The following SYNE1 variants were observed in gnomAD, a reference collection of about 807,000 sequenced individuals.
The protein encoded by SYNE1 is nesprin-1.
Under a neutral mutation model 1,111.0 loss-of-function variants are expected in SYNE1, and 616 were observed. The observed-to-expected ratio is 0.55, with a 90% CI of 0.52 to 0.59. SYNE1 has a LOEUF of 0.59. Ranked by LOEUF, SYNE1 falls within the 20% of genes least tolerant of loss-of-function variation. SYNE1 has a pLI of 0.00. For synonymous variants in SYNE1, 3,855 were observed against 3,825.8 expected, an observed-to-expected ratio of 1.01 and a Z score of -0.28; for missense variants, 10,006 against 10,417.0, an observed-to-expected ratio of 0.96 and a Z score of 1.72.
At chr6:152,170,704 T>C (rs969126755) in intron 130 of SYNE1, among the ~76,000 whole-genome samples, 3 of 152,220 alleles carry the variant, frequency 2.0e-5, no homozygotes, top group Non-Finnish European at 4.4e-5. Flanking sequence ...CACAAAGCCT[T>C]GCTTGCACTG....
intron 3 of SYNE1, among the ~76,000 whole-genome samples, chr6:152,627,951 G>C (rs999355539): frequency 5.6e-5 from 8 of 142,054 alleles, no homozygotes; most frequent in Admixed American, 1.5e-4. Context: ...TGGTATTATT[G>C]AACAACAGCA....
At chr6:152,429,981 ATAAT>A (rs1278475008) in intron 36 of SYNE1, 127 bp downstream of exon 36, 1 of 680,406 alleles carries the variant, frequency 1.5e-6, no homozygotes, top group East Asian at 2.8e-5. Flanking sequence ...TTAGATCTAT[ATAAT>A]TACTCAACTA....
At chr6:152,581,674 T>C (rs17700972) in intron 3 of SYNE1, among the ~76,000 whole-genome samples, 25,816 of 152,076 alleles carry the variant, frequency 0.17, 2,377 homozygotes, top group Admixed American at 0.25. Context: ...CACTTTCCCT[T>C]GATGTTTCTT....
intron 62 of SYNE1, among the ~76,000 whole-genome samples, chr6:152,366,119 G>T (rs557382123): frequency 9.9e-5 from 15 of 152,274 alleles, no homozygotes; most frequent in African/African-American, 3.4e-4. Flanking sequence ...GGTCACCTGA[G>T]GTCGGGAGTT....
chr6:152,319,323 T>C (rs2095814675), intron 84 of SYNE1, among the ~76,000 whole-genome samples: 1 of 152,196 alleles, frequency 6.6e-6, no homozygotes, highest in Admixed American at 6.5e-5. Flanking sequence ...TTGAATCCTA[T>C]CTTCTCCATT....
intron 8 of SYNE1, among the ~76,000 whole-genome samples, chr6:152,507,995 A>G (rs1003595987): frequency 6.6e-6 from 1 of 152,192 alleles, no homozygotes; most frequent in Non-Finnish European, 1.5e-5. Flanking sequence ...ATTTCCCACC[A>G]TCTTCAATCT....
In SYNE1 at chr6:152,353,386, T is replaced by C; in HGVS notation, c.11130A>G (p.Ser3710=). ...LEEEIQSLEE[S]ESSLSSYSDW... ...CAGAATAGGAACTGAGGGATGATTC[T>C]GATTCCTCCAAACTCTGAATCTCCT... The change falls in exon 69 of 146, where the codon TCA becomes TCG. Residue 3710 remains serine (S), a synonymous_variant. Coordinates refer to ENST00000367255, the MANE Select transcript of SYNE1 (RefSeq NM_182961.4). 1.2e-6 allele frequency: 2 copies of C among 1,614,266 alleles called. No homozygotes were observed. The highest frequency in any genetic ancestry group is 1.3e-5 in the African/African-American group (1 of 75,072).
chr6:152,373,050 T>C lies in SYNE1; in HGVS notation c.9494A>G (p.Glu3165Gly), dbSNP rs1474339908. Residue 3165 changes from glutamate to glycine, a missense_variant, in exon 59 of 146, where the codon GAA becomes GGA. Around this residue, in one of 7 missense-constraint regions of SYNE1, gnomAD observed 4,955 missense variants for 5,017.2 expected, o/e 0.99. Coordinates refer to ENST00000367255, the MANE Select transcript of SYNE1 (RefSeq NM_182961.4). Reference sequence around the variant, plus strand: ...GGCTATATATACCTCTAGAGCAGATTCTTTTTGGTGGAGATTTGAATGAAA... The same window carrying C: ...GGCTATATATACCTCTAGAGCAGATCCTTTTTGGTGGAGATTTGAATGAAA... ...KNFHSNLHQK[E>G]SALENLKIQM... 6.2e-7 allele frequency: 1 copy of C among 1,613,992 alleles called. No homozygotes were observed. Among genetic ancestry groups the C allele is most frequent in the Non-Finnish European group, 8.5e-7 (1 of 1,180,014 alleles).
chr6:152,537,030 C>A (rs901278927), intron 4 of SYNE1, among the ~76,000 whole-genome samples: 1 of 152,050 alleles, frequency 6.6e-6, no homozygotes, highest in Non-Finnish European at 1.5e-5. Flanking sequence ...AAAACCATCA[C>A]TAAAAATCAA....
chr6:152,496,620 C>T (rs2099000801), intron 11 of SYNE1, among the ~76,000 whole-genome samples: 1 of 152,138 alleles, frequency 6.6e-6, no homozygotes, highest in Non-Finnish European at 1.5e-5. Flanking sequence ...TTAATCTCTC[C>T]CACTCTAGGT....
chr6:152,580,847 G>A (rs1013037206), intron 3 of SYNE1, among the ~76,000 whole-genome samples: 1 of 152,138 alleles, frequency 6.6e-6, no homozygotes, highest in African/African-American at 2.4e-5. Flanking sequence ...GAATAAAAGT[G>A]ATTGTTTTTT....
Position 152,308,637 on chromosome 6 carries a change from GAAAA to G in SYNE1, c.17203-9_17203-6del. Reference sequence around the variant, plus strand: ...TTCATATTGTACCACAGCTTCCTTTGAAAAAAAAAAAAAACAGAAAGATAGACAG... The same window carrying G: ...TTCATATTGTACCACAGCTTCCTTTGAAAAAAAAAACAGAAAGATAGACAG... On this transcript the variant is annotated splice_region_variant and splice_polypyrimidine_tract_variant and intron_variant, in intron 90 of 145. Coordinates refer to ENST00000367255, the MANE Select transcript of SYNE1 (RefSeq NM_182961.4). The G allele has an allele frequency of 6.8e-7, 1 of 1,462,914 alleles. No individual in the cohort carries two copies. Among genetic ancestry groups the G allele is most frequent in the Admixed American group, 2.2e-5 (1 of 46,396 alleles). The allele number at this position is 1,462,914 out of a possible 1,614,324, so 90.6% of individuals were successfully genotyped here. A position where few individuals can be genotyped will look rare whatever the true frequency, so the allele number is the denominator to read the frequency against.
rs892819340 is a variant in SYNE1, at chr6:152,490,253, G to A, written c.940-1750C>T. Among the ~76,000 whole-genome samples, 4 of 152,024 alleles carry A rather than the reference G, an allele frequency of 2.6e-5. No homozygotes were observed. The East Asian group carries it at 7.7e-4, about 29-fold the overall frequency. Reference sequence around the variant, plus strand: ...GCAAATACTACACTATTTTATATCAGGAACCTGAGCATCATAAATTTTGCT... The same window carrying A: ...GCAAATACTACACTATTTTATATCAAGAACCTGAGCATCATAAATTTTGCT... On this transcript the variant is annotated intron_variant, in intron 11 of 145. Transcript: ENST00000367255.
At position 152,209,157 on chromosome 6, in the gene SYNE1, C is replaced by T. The variant is rs2077069053; in HGVS notation, c.22590-951G>A. Among the ~76,000 whole-genome samples the T allele has an allele frequency of 2.6e-5, 4 of 152,276 alleles. No individual in the cohort carries two copies. In the South Asian group the frequency reaches 8.3e-4, roughly 32 times the overall value. On this transcript the variant is annotated intron_variant, in intron 124 of 145. Transcript: ENST00000367255. ...ACTAAACACTTGCACTTCTCTATTACAATAGTTTTGCTTTTCTTCCTCAGA... is the reference window on the plus strand; with the variant it reads ...ACTAAACACTTGCACTTCTCTATTATAATAGTTTTGCTTTTCTTCCTCAGA...
intron 104 of SYNE1, among the ~76,000 whole-genome samples, chr6:152,254,490 T>C (rs1045844244): frequency 3.3e-5 from 5 of 152,078 alleles, no homozygotes; most frequent in Non-Finnish European, 5.9e-5. Flanking sequence ...CCTCAAATGA[T>C]TTGCCTGCCG....
chr6:152,547,984 C>T (rs1048552160), intron 3 of SYNE1, among the ~76,000 whole-genome samples: 1 of 152,092 alleles, frequency 6.6e-6, no homozygotes, highest in Non-Finnish European at 1.5e-5. Context: ...CACTGTACAA[C>T]TTAAATATAT....
chr6:152,585,202 T>C (rs1024370104), intron 3 of SYNE1, among the ~76,000 whole-genome samples: 2 of 151,832 alleles, frequency 1.3e-5, no homozygotes, highest in African/African-American at 4.9e-5. Flanking sequence ...CTTTCTGCCA[T>C]GACTGTTAAG....
chr6:152,161,472 TC>T lies in SYNE1; in HGVS notation c.23790+2690del. Among the ~76,000 whole-genome samples the T allele has an allele frequency of 2.0e-5, 3 of 152,032 alleles. No individual in the cohort carries two copies. In the East Asian group the frequency reaches 5.8e-4, roughly 30 times the overall value. The stretch of plus-strand genomic sequence containing the variant: ...TTGTTTTACTCTGTGGAAGATAGTC[TC>T]CATTCTGAATGCTTTTTTTAAAGAA... On this transcript the variant is annotated intron_variant, in intron 131 of 145. Coordinates refer to ENST00000367255, the MANE Select transcript of SYNE1 (RefSeq NM_182961.4).
At chr6:152,458,051 A>G (rs537037428) in intron 22 of SYNE1, among the ~76,000 whole-genome samples, 7 of 152,052 alleles carry the variant, frequency 4.6e-5, no homozygotes, top group African/African-American at 1.7e-4. Context: ...ATTTTCTTAT[A>G]GTGTCTTTCT....
Sources: gnomAD v4.1 joint callset for allele counts (sites outside exome capture counted in the v4.1 genomes callset) on GRCh38, gnomAD v4.1.1 for gene constraint, gnomAD v4.1.1 regional missense constraint, MANE v1.5 for transcripts, NCBI Gene and HGNC (gene_info 2026-07-23, HGNC 2026-07-21) for gene names.